Variants in ITPR2 observed in about 807,000 individuals in gnomAD.
ITPR2 encodes inositol 1,4,5-trisphosphate-gated calcium channel ITPR2.
Under a neutral mutation model 317.1 loss-of-function variants are expected in ITPR2, and 207 were observed. The observed-to-expected ratio is 0.65, with a 90% confidence interval of 0.58 to 0.73. ITPR2 has a LOEUF of 0.73. Among genes scored for constraint, ITPR2 ranks in the 30% least tolerant of loss-of-function variants. The pLI, the probability that ITPR2 is intolerant of heterozygous loss-of-function variation, is 0.00. For missense variants in ITPR2, 2,613 were observed against 3,284.0 expected (o/e 0.80, Z 4.99); for synonymous variants, 1,156 against 1,149.1 (o/e 1.01, Z -0.12).
intron 37 of ITPR2, among the ~76,000 whole-genome samples, chr12:26,502,229 T>TA (rs1414949886): frequency 1.3e-5 from 2 of 152,232 alleles, no homozygotes; most frequent in Non-Finnish European, 2.9e-5. Context: ...ATACAGGGTT[T>TA]GCTGAAATTC....
chr12:26,471,353 C>T (rs1466141978), intron 45 of ITPR2, among the ~76,000 whole-genome samples: 1 of 152,080 alleles, frequency 6.6e-6, no homozygotes, highest in African/African-American at 2.4e-5. Context: ...ACTGTCTCTA[C>T]AGAAAGCAAG....
chr12:26,795,564 C>T (rs1047533151), intron 1 of ITPR2, among the ~76,000 whole-genome samples: 7 of 151,496 alleles, frequency 4.6e-5, no homozygotes, highest in African/African-American at 1.7e-4. Context: ...AAGGACAAAA[C>T]GTAAAAGACC....
intron 10 of ITPR2, among the ~76,000 whole-genome samples, chr12:26,691,388 T>G (rs1948237761): frequency 6.6e-6 from 1 of 152,156 alleles, no homozygotes; most frequent in African/African-American, 2.4e-5. Context: ...CCCTCTCTCT[T>G]CAGCATGAAA....
chr12:26,421,567 T>A (rs1481461400), intron 49 of ITPR2: 3 of 152,266 alleles, frequency 2.0e-5, no homozygotes, highest in Non-Finnish European at 4.4e-5. Context: ...GGAATATTTA[T>A]GCCAAGAATG....
chr12:26,613,468 C>T (rs1248094028), intron 26 of ITPR2, among the ~76,000 whole-genome samples: 1 of 152,038 alleles, frequency 6.6e-6, no homozygotes, highest in African/African-American at 2.4e-5. Flanking sequence ...ATAAAATTTT[C>T]AGAGCAATAA....
At chr12:26,357,487 A>T (rs1333219962) in intron 55 of ITPR2, among the ~76,000 whole-genome samples, 1 of 152,114 alleles carries the variant, frequency 6.6e-6, no homozygotes, top group Non-Finnish European at 1.5e-5. Context: ...GATTCTCTTG[A>T]TTTGTATGCT....
chr12:26,682,290 TAGAGA>T (rs1948049271), intron 12 of ITPR2, among the ~76,000 whole-genome samples: 1 of 152,102 alleles, frequency 6.6e-6, no homozygotes, highest in African/African-American at 2.4e-5. Context: ...TTCGACAGAG[TAGAGA>T]AAAGGCACTC....
chr12:26,755,207 T>C (rs1308800869), intron 2 of ITPR2, among the ~76,000 whole-genome samples: 1 of 152,234 alleles, frequency 6.6e-6, no homozygotes, highest in Admixed American at 6.5e-5. Flanking sequence ...TTTTTGACTG[T>C]GGTTGTCCCA....
At chr12:26,497,837 A>G (rs1302716835) in intron 37 of ITPR2, among the ~76,000 whole-genome samples, 2 of 151,806 alleles carry the variant, frequency 1.3e-5, no homozygotes, top group African/African-American at 4.8e-5. Context: ...CAGCCTCCCG[A>G]GTAGCTGGGA....
intron 46 of ITPR2, among the ~76,000 whole-genome samples, chr12:26,443,075 T>A (rs1232752040): frequency 6.6e-6 from 1 of 152,170 alleles, no homozygotes; most frequent in Admixed American, 6.6e-5. Flanking sequence ...TGCTGCATAC[T>A]GAAAATGGAA....
intron 2 of ITPR2, among the ~76,000 whole-genome samples, chr12:26,727,861 A>G (rs993152315): frequency 6.6e-6 from 1 of 152,194 alleles, no homozygotes; most frequent in African/African-American, 2.4e-5. Flanking sequence ...GAGAAAACAC[A>G]GCCAAATTTT....
chr12:26,418,995 C>T (rs187098055), intron 50 of ITPR2, 54 bp downstream of exon 50: 2 of 1,447,576 alleles, frequency 1.4e-6, no homozygotes, highest in African/African-American at 2.9e-5. Flanking sequence ...GCATAAGAAG[C>T]AGCAGCATTG....
Position 26,564,785 on chromosome 12 carries a change from A to G in ITPR2, c.4631-2833T>C, listed in dbSNP as rs148501776. On this transcript the variant is annotated intron_variant, in intron 34 of 56. Transcript: ENST00000381340. ...ACGAATTCTTCCCTGGAGCCTTCAGAGAGAGCATGGTACTGATGAACCCTT... is the reference window on the plus strand; with the variant it reads ...ACGAATTCTTCCCTGGAGCCTTCAGGGAGAGCATGGTACTGATGAACCCTT... Among the ~76,000 whole-genome samples, 3 of 152,360 alleles carry G rather than the reference A, an allele frequency of 2.0e-5. 1 individual carries two copies. The highest frequency in any genetic ancestry group is 7.2e-5 in the African/African-American group (3 of 41,586).
intron 13 of ITPR2, among the ~76,000 whole-genome samples, chr12:26,680,855 G>A (rs1018422131): frequency 3.9e-5 from 6 of 152,168 alleles, no homozygotes; most frequent in Admixed American, 6.6e-5. Context: ...ACATGTGGAG[G>A]AGAGTCTTTT....
At chr12:26,815,157 G>A (rs1182426046) in intron 1 of ITPR2, among the ~76,000 whole-genome samples, 1 of 152,140 alleles carries the variant, frequency 6.6e-6, no homozygotes, top group African/African-American at 2.4e-5. Context: ...TGGCCAACAT[G>A]GTGAAACCTC....
rs1243401185 is a variant in ITPR2, at chr12:26,725,639, C to G, written c.279+11G>C. ...TAGCCTAAGCCAGACAATTGGAATCCTGGTCCTTACCTGTAGTTTCTTCAG... is the reference window on the plus strand; with the variant it reads ...TAGCCTAAGCCAGACAATTGGAATCGTGGTCCTTACCTGTAGTTTCTTCAG... On this transcript the variant is annotated intron_variant, in intron 3 of 56. Transcript: ENST00000381340. 5.7e-6 allele frequency: 9 copies of G among 1,586,598 alleles called. No homozygotes were observed. In the African/African-American group the frequency reaches 1.2e-4, roughly 21 times the overall value.
intron 13 of ITPR2, among the ~76,000 whole-genome samples, chr12:26,678,038 T>C (rs1947953329): frequency 6.6e-6 from 1 of 152,188 alleles, no homozygotes; most frequent in Admixed American, 6.5e-5. Context: ...CATATAGCCA[T>C]GCTGCATGGC....
At chr12:26,759,249 CT>C (rs1949586450) in intron 2 of ITPR2, among the ~76,000 whole-genome samples, 1 of 152,196 alleles carries the variant, frequency 6.6e-6, no homozygotes. Flanking sequence ...GAGAGTTGTT[CT>C]TTCAAAATTA....
At chr12:26,728,708 T>G (rs1948976863) in intron 2 of ITPR2, among the ~76,000 whole-genome samples, 1 of 152,196 alleles carries the variant, frequency 6.6e-6, no homozygotes, top group Admixed American at 6.5e-5. Context: ...ATAATAAAAG[T>G]GCTAATACCT....
Sources: gnomAD v4.1 joint callset for allele counts (sites outside exome capture counted in the v4.1 genomes callset) on GRCh38, gnomAD v4.1.1 for gene constraint, MANE v1.5 for transcripts, NCBI Gene and HGNC (gene_info 2026-07-23, HGNC 2026-07-21) for gene names.